ADAM9: variants seen among roughly 807,000 people sequenced by gnomAD.
ADAM9 encodes ADAM metallopeptidase domain 9.
ADAM9 carries 54 observed loss-of-function variants against 108.1 expected under a neutral mutation model. The ratio of observed to expected loss-of-function variants is 0.50; its 90% confidence interval spans 0.40 to 0.63. ADAM9 has a LOEUF of 0.63. Among genes scored for constraint, ADAM9 ranks in the 20% least tolerant of loss-of-function variants. The pLI is 0.00. For missense variants in ADAM9, 830 were observed against 997.7 expected (o/e 0.83, Z 2.26); for synonymous variants, 316 against 336.0 (o/e 0.94, Z 0.65).
chr8:39,093,146 T>A (rs1350150516), intron 20 of ADAM9, among the ~76,000 whole-genome samples: 1 of 152,200 alleles, frequency 6.6e-6, no homozygotes, highest in Non-Finnish European at 1.5e-5. Context: ...AAATTGTCAT[T>A]GGAATATTAA....
intron 16 of ADAM9, among the ~76,000 whole-genome samples, chr8:39,079,594 ATTTT>A (rs397786496): frequency 1.4e-5 from 2 of 142,196 alleles, no homozygotes; most frequent in Admixed American, 7.0e-5. Context: ...AATATCATGA[ATTTT>A]TTTTTTTTTT....
intron 12 of ADAM9, among the ~76,000 whole-genome samples, chr8:39,043,852 C>T (rs1473380527): frequency 1.3e-5 from 2 of 152,258 alleles, no homozygotes; most frequent in East Asian, 1.9e-4. Flanking sequence ...TTGCTTAGCT[C>T]CCACTTATAA....
At chr8:39,053,122 A>T (rs1271740347) in intron 12 of ADAM9, among the ~76,000 whole-genome samples, 1 of 152,142 alleles carries the variant, frequency 6.6e-6, no homozygotes, top group Non-Finnish European at 1.5e-5. Flanking sequence ...CTTTTTTGCC[A>T]TCAGGCTATC....
intron 1 of ADAM9, 83 bp from the exon 2 acceptor site, chr8:39,007,803 G>C: frequency 2.1e-6 from 2 of 944,284 alleles, no homozygotes; most frequent in Non-Finnish European, 3.4e-6. Context: ...TCTGTGATTT[G>C]AACATTTTGA....
At chr8:39,019,702 T>A (rs919598593) in intron 7 of ADAM9, among the ~76,000 whole-genome samples, 24 of 152,240 alleles carry the variant, frequency 1.6e-4, no homozygotes, top group African/African-American at 5.3e-4. Flanking sequence ...AAACTTACTA[T>A]GATTGGCAGT....
At chr8:39,060,520 G>A (rs1438582521) in intron 14 of ADAM9, among the ~76,000 whole-genome samples, 3 of 152,226 alleles carry the variant, frequency 2.0e-5, no homozygotes, top group African/African-American at 7.2e-5. Context: ...TCTGTTGGTT[G>A]TGGGAGTGGC....
intron 1 of ADAM9, among the ~76,000 whole-genome samples, chr8:38,999,009 G>C (rs962412136): frequency 3.9e-5 from 6 of 152,082 alleles, no homozygotes; most frequent in Admixed American, 2.6e-4. Flanking sequence ...CGGGCAACAC[G>C]GTGGAGGATA....
chr8:39,082,841 T>G, intron 17 of ADAM9, 120 bp downstream of exon 17: 1 of 1,360,586 alleles, frequency 7.3e-7, no homozygotes, highest in Non-Finnish European at 1.0e-6. Context: ...CCTGATAAAA[T>G]TTTCATTCTT....
At chr8:39,084,572 T>C (rs1339128648) in intron 18 of ADAM9, among the ~76,000 whole-genome samples, 4 of 151,654 alleles carry the variant, frequency 2.6e-5, no homozygotes, top group Non-Finnish European at 5.9e-5. Context: ...ATATTGTGTA[T>C]GACTTGAATC....
intron 15 of ADAM9, among the ~76,000 whole-genome samples, chr8:39,073,331 G>A (rs1838756390): frequency 1.3e-5 from 2 of 152,072 alleles, no homozygotes; most frequent in Non-Finnish European, 2.9e-5. Context: ...TGCTGTGTAT[G>A]TTTTAAATTT....
At chr8:39,050,503 T>C (rs532482356) in intron 12 of ADAM9, among the ~76,000 whole-genome samples, 66 of 152,184 alleles carry the variant, frequency 4.3e-4, no homozygotes, top group African/African-American at 1.5e-3. Context: ...ACTTTGAGTT[T>C]GTTGAATCTT....
intron 12 of ADAM9, among the ~76,000 whole-genome samples, chr8:39,045,607 G>C (rs1162222069): frequency 2.7e-5 from 4 of 149,556 alleles, no homozygotes; most frequent in Non-Finnish European, 5.9e-5. Context: ...TTCTCATCCA[G>C]TCGACTGTTG....
At position 39,026,828 on chromosome 8, in the gene ADAM9, T is replaced by TTCTTCTTCTC; in HGVS notation, c.1130+18_1130+19insTCTTCTTCTC. 1 of 1,613,570 alleles carries TTCTTCTTCTC rather than the reference T, an allele frequency of 6.2e-7. No homozygotes were observed. The highest frequency in any genetic ancestry group is 8.5e-7 in the Non-Finnish European group (1 of 1,179,866). On this transcript the variant is annotated intron_variant, in intron 11 of 21. Transcript: ENST00000487273. ...GGAGCATCGTGAGTACCTGGGTTCT[T>TTCTTCTTCTC]CTTCTCCTTTATTTGGTATTGTAGA...
chr8:39,058,173 T>C (rs1838186274), intron 14 of ADAM9, among the ~76,000 whole-genome samples: 1 of 152,194 alleles, frequency 6.6e-6, no homozygotes, highest in Non-Finnish European at 1.5e-5. Flanking sequence ...CAAGTCAATA[T>C]GTCTTATGCT....
intron 20 of ADAM9, among the ~76,000 whole-genome samples, chr8:39,094,094 T>A (rs1241205550): frequency 6.6e-6 from 1 of 152,192 alleles, no homozygotes; most frequent in African/African-American, 2.4e-5. Context: ...TCTATACAAA[T>A]TTGTTGAGAG....
chr8:39,038,503 A>T (rs1837354147), intron 11 of ADAM9, among the ~76,000 whole-genome samples: 1 of 152,156 alleles, frequency 6.6e-6, no homozygotes, highest in African/African-American at 2.4e-5. Flanking sequence ...TGCAGAGCTC[A>T]TCACACCCAC....
intron 15 of ADAM9, among the ~76,000 whole-genome samples, chr8:39,073,047 C>T (rs1340887363): frequency 6.6e-6 from 1 of 152,128 alleles, no homozygotes; most frequent in East Asian, 1.9e-4. Context: ...GAACATTCAT[C>T]CATACAGACT....
At chr8:39,076,103 T>C (rs547966987) in intron 15 of ADAM9, 1 of 152,330 alleles carries the variant, frequency 6.6e-6, no homozygotes, top group East Asian at 1.9e-4. Context: ...AGAAGTACAG[T>C]ATCTAGAATA....
intron 20 of ADAM9, among the ~76,000 whole-genome samples, chr8:39,092,885 A>G (rs1839398275): frequency 6.6e-6 from 1 of 152,138 alleles, no homozygotes; most frequent in African/African-American, 2.4e-5. Flanking sequence ...TTCATTGTGT[A>G]TTCTTGGCAC....
Sources: allele counts gnomAD v4.1 joint callset (sites outside exome capture counted in the v4.1 genomes callset), GRCh38; gene constraint gnomAD v4.1.1; transcripts MANE v1.5; gene names NCBI Gene and HGNC (gene_info 2026-07-23, HGNC 2026-07-21).